CNTN5: variants seen among roughly 807,000 people sequenced by gnomAD.
CNTN5 encodes contactin 5, also known as contactin-5.
Under a neutral mutation model 129.1 loss-of-function variants are expected in CNTN5, and 77 were observed. The ratio of observed to expected loss-of-function variants is 0.60; its 90% CI spans 0.50 to 0.72. The LOEUF is 0.72. Ranked by LOEUF, CNTN5 falls within the 30% of genes least tolerant of loss-of-function variation. CNTN5 has a pLI of 0.00. For synonymous variants in CNTN5, 509 were observed against 465.6 expected, an observed-to-expected ratio of 1.09 and a Z score of -1.20; for missense variants, 1,478 against 1,328.8, an observed-to-expected ratio of 1.11 and a Z score of -1.75.
intron 2 of CNTN5, among the ~76,000 whole-genome samples, chr11:99,493,812 A>T (rs1591159396): frequency 6.6e-6 from 1 of 152,184 alleles, no homozygotes; most frequent in Admixed American, 6.5e-5. Context: ...CTTACCTTAC[A>T]TGTGCTCTGT....
At chr11:99,284,373 G>T (rs1253038013) in intron 1 of CNTN5, among the ~76,000 whole-genome samples, 1 of 152,050 alleles carries the variant, frequency 6.6e-6, no homozygotes, top group Non-Finnish European at 1.5e-5. Flanking sequence ...TATATATCAA[G>T]AAATTATTCA....
At chr11:99,600,163 C>G (rs1448793974) in intron 3 of CNTN5, among the ~76,000 whole-genome samples, 3 of 152,024 alleles carry the variant, frequency 2.0e-5, no homozygotes, top group African/African-American at 7.3e-5. Context: ...CCTGAGTACC[C>G]TGATTTTTTA....
At chr11:99,631,020 C>T (rs1229628691) in intron 3 of CNTN5, among the ~76,000 whole-genome samples, 4 of 152,020 alleles carry the variant, frequency 2.6e-5, no homozygotes, top group Non-Finnish European at 5.9e-5. Flanking sequence ...GTTATTTGTC[C>T]TGACTAAAAA....
intron 3 of CNTN5, among the ~76,000 whole-genome samples, chr11:99,598,371 T>C (rs147239106): frequency 0.31 from 2,802 of 9,018 alleles, 744 homozygotes; most frequent in Non-Finnish European, 0.45. Flanking sequence ...TCTCTCTCTC[T>C]CTCCCTCTCT....
chr11:99,294,956 C>T (rs1302513517), intron 1 of CNTN5, among the ~76,000 whole-genome samples: 1 of 152,172 alleles, frequency 6.6e-6, no homozygotes, highest in Admixed American at 6.5e-5. Flanking sequence ...GCCTTAGCAC[C>T]ACTCTCAGTT....
intron 1 of CNTN5, among the ~76,000 whole-genome samples, chr11:99,318,191 A>C (rs977723570): frequency 1.3e-5 from 2 of 152,226 alleles, no homozygotes; most frequent in Non-Finnish European, 2.9e-5. Flanking sequence ...AACTTTAAGT[A>C]AATAAAGCCA....
At chr11:99,761,357 C>G (rs1352307857) in intron 3 of CNTN5, among the ~76,000 whole-genome samples, 1 of 152,006 alleles carries the variant, frequency 6.6e-6, no homozygotes, top group Non-Finnish European at 1.5e-5. Flanking sequence ...TGCTGGTGCG[C>G]TGCACCCACT....
chr11:99,960,225 C>A (rs889376421), intron 8 of CNTN5, among the ~76,000 whole-genome samples: 1 of 152,092 alleles, frequency 6.6e-6, no homozygotes, highest in Admixed American at 6.6e-5. Context: ...TGTTGCTTAT[C>A]CTTTAAACTT....
At chr11:99,881,536 CAT>C (rs1476917420) in intron 6 of CNTN5, among the ~76,000 whole-genome samples, 4 of 152,068 alleles carry the variant, frequency 2.6e-5, no homozygotes, top group African/African-American at 9.7e-5. Flanking sequence ...TCATTGTTCT[CAT>C]ATCAGTAGCA....
chr11:99,378,067 A>C (rs1370572091), intron 2 of CNTN5, among the ~76,000 whole-genome samples: 1 of 152,150 alleles, frequency 6.6e-6, no homozygotes, highest in African/African-American at 2.4e-5. Context: ...TCTTTTGGAT[A>C]CAAATCTAAG....
At chr11:99,878,761 A>C in intron 6 of CNTN5, among the ~76,000 whole-genome samples, 1 of 152,022 alleles carries the variant, frequency 6.6e-6, no homozygotes, top group Non-Finnish European at 1.5e-5. Context: ...AGGCTGAGGC[A>C]GGGGAATCAC....
intron 21 of CNTN5, among the ~76,000 whole-genome samples, chr11:100,328,440 T>C (rs1424310447): frequency 1.3e-5 from 2 of 152,092 alleles, no homozygotes; most frequent in Non-Finnish European, 2.9e-5. Context: ...AGAAAAAAGG[T>C]TTAATTGACT....
intron 3 of CNTN5, among the ~76,000 whole-genome samples, chr11:99,715,421 G>A (rs1457735212): frequency 6.6e-6 from 1 of 151,702 alleles, no homozygotes; most frequent in Admixed American, 6.6e-5. Flanking sequence ...AGACCACCAA[G>A]AGAGCAGAAT....
In CNTN5 at chr11:99,914,379, A is replaced by C. The variant is rs1476564313; in HGVS notation, c.578-1675A>C. Among the ~76,000 whole-genome samples, 4 of 152,138 alleles carry C rather than the reference A, an allele frequency of 2.6e-5. No homozygotes were observed. The East Asian group carries it at 7.7e-4, about 29-fold the overall frequency. ...TCATTTTTTGGAAAAAAAAGCCTCT[A>C]AGAATCAGTCCTTTTGAGTTTAAAG... On this transcript the variant is annotated intron_variant, in intron 6 of 24. Coordinates refer to ENST00000524871, the MANE Select transcript of CNTN5 (RefSeq NM_014361.4).
At chr11:99,961,859 C>A (rs1950955396) in intron 8 of CNTN5, among the ~76,000 whole-genome samples, 2 of 152,128 alleles carry the variant, frequency 1.3e-5, no homozygotes, top group Admixed American at 1.3e-4. Flanking sequence ...CATCCACACA[C>A]CCCATTCAGT....
At chr11:99,276,882 T>A (rs557259098) in intron 1 of CNTN5, among the ~76,000 whole-genome samples, 1 of 151,714 alleles carries the variant, frequency 6.6e-6, no homozygotes, top group African/African-American at 2.4e-5. Context: ...AAGAAGTAGT[T>A]CTAAAATCAA....
At position 100,020,278 on chromosome 11, in the gene CNTN5, G is replaced by A. The variant is rs1191973926; in HGVS notation, c.980+18142G>A. 3.9e-5 allele frequency among the ~76,000 whole-genome samples: 6 copies of A among 151,958 alleles called. 1 individual carries two copies. Among genetic ancestry groups the A allele is most frequent in the Admixed American group, 3.9e-4 (6 of 15,230 alleles). On this transcript the variant is annotated intron_variant, in intron 9 of 24. Coordinates refer to ENST00000524871, the MANE Select transcript of CNTN5 (RefSeq NM_014361.4). ...TTACAGTTTTAGGTCTTACATTTAAGTCTTTAATCCATTGAAAGGTGATAT... is the reference window on the plus strand; with the variant it reads ...TTACAGTTTTAGGTCTTACATTTAAATCTTTAATCCATTGAAAGGTGATAT...
chr11:99,223,588 C>T (rs939994517), intron 1 of CNTN5, among the ~76,000 whole-genome samples: 1 of 152,040 alleles, frequency 6.6e-6, no homozygotes. Flanking sequence ...GAAAAGTTAA[C>T]GTTATCTTAA....
chr11:99,872,572 G>A (rs758446514), intron 6 of CNTN5, among the ~76,000 whole-genome samples: 36 of 152,002 alleles, frequency 2.4e-4, no homozygotes, highest in Non-Finnish European at 4.0e-4. Context: ...CCTGCCACCC[G>A]GTACTCTGAA....
Sources: gnomAD v4.1 joint callset for allele counts (sites outside exome capture counted in the v4.1 genomes callset) on GRCh38, gnomAD v4.1.1 for gene constraint, MANE v1.5 for transcripts, NCBI Gene and HGNC (gene_info 2026-07-23, HGNC 2026-07-21) for gene names.